Variants in SLC6A4 observed in about 807,000 individuals in gnomAD.
SLC6A4 encodes the protein sodium-dependent serotonin transporter.
SLC6A4 carries 22 observed loss-of-function variants against 73.4 expected under a neutral mutation model. The ratio of observed to expected loss-of-function variants is 0.30; its 90% CI spans 0.21 to 0.43. The LOEUF is 0.43. Among genes scored for constraint, SLC6A4 ranks in the 20% least tolerant of loss-of-function variants. The pLI is 1.00. For synonymous variants in SLC6A4, 270 were observed against 315.5 expected (o/e 0.86, Z 1.53); for missense variants, 593 against 808.5 (o/e 0.73, Z 3.23).
At position 30,218,156 on chromosome 17, in the gene SLC6A4, C is replaced by G; in HGVS notation, c.660G>C (p.Trp220Cys). Residue 220 changes from tryptophan (W) to cysteine (C), a missense_variant, in exon 5 of 15, where the codon TGG becomes TGC. By Grantham distance (215) the Trp-to-Cys change is radical (BLOSUM62 -2). Transcript: ENST00000650711. ...TNYFSEDNIT[W>C]TLHSTSPAEE... ...CAGCAGGGGACGTGGAATGGAGGGTCCAGGTGATGTTGTCCTCGGAGAAGT... is the reference window on the plus strand; with the variant it reads ...CAGCAGGGGACGTGGAATGGAGGGTGCAGGTGATGTTGTCCTCGGAGAAGT... 6.2e-7 allele frequency: 1 copy of G among 1,614,178 alleles called. No individual in the cohort carries two copies. Among genetic ancestry groups the G allele is most frequent in the South Asian group, 1.1e-5 (1 of 91,088 alleles).
intron 1 of SLC6A4, among the ~76,000 whole-genome samples, chr17:30,223,714 G>A (rs2020939): frequency 0.35 from 53,617 of 151,974 alleles, 11,837 homozygotes; most frequent in East Asian, 0.8. Flanking sequence ...GGGCTGTACC[G>A]CACTTGTTGG....
intron 8 of SLC6A4, 147 bp from the exon 9 acceptor site, chr17:30,213,014 G>A (rs759666514): frequency 3.0e-5 from 25 of 821,086 alleles, no homozygotes; most frequent in Non-Finnish European, 3.6e-5. Context: ...AGCCTGTCCC[G>A]GAGTCCCTTC....
chr17:30,212,088 T>G (rs1906404679), intron 9 of SLC6A4, among the ~76,000 whole-genome samples: 1 of 152,322 alleles, frequency 6.6e-6, no homozygotes, highest in East Asian at 1.9e-4. Context: ...TCTCCCTCTG[T>G]TGCTCTTTTC....
Position 30,194,976 on chromosome 17 carries a change from G to A in SLC6A4, c.*3480C>T, listed in dbSNP as rs1357873522. On this transcript the variant is annotated 3_prime_UTR_variant, in exon 15 of 15. Coordinates refer to ENST00000650711, the MANE Select transcript of SLC6A4 (RefSeq NM_001045.6). Reference sequence around the variant, plus strand: ...CTGGTGAAGAAAGTTTATTTTAGTAGCTTTAAAAAAATACTTGCATTGGTG... The same window carrying A: ...CTGGTGAAGAAAGTTTATTTTAGTAACTTTAAAAAAATACTTGCATTGGTG... 6.6e-6 allele frequency: 1 copy of A among 152,130 alleles called. No individual in the cohort carries two copies. The highest frequency in any genetic ancestry group is 2.4e-5 in the African/African-American group (1 of 41,414). The allele number at this position is 152,130 out of a possible 1,614,324, so 9.4% of individuals were successfully genotyped here. A position where few individuals can be genotyped will look rare whatever the true frequency, so the allele number is the denominator to read the frequency against.
chr17:30,213,493 G>A (rs968517099), intron 8 of SLC6A4, among the ~76,000 whole-genome samples: 7 of 151,794 alleles, frequency 4.6e-5, no homozygotes, highest in African/African-American at 1.7e-4. Flanking sequence ...AGTAGAGATG[G>A]GGTTTCCCCA....
chr17:30,215,306 G>A (rs1014597544), intron 8 of SLC6A4, among the ~76,000 whole-genome samples: 1 of 152,198 alleles, frequency 6.6e-6, no homozygotes. Context: ...GCCTCCCAAA[G>A]TGCTGGGATT....
chr17:30,216,483 A>G (rs1244884170), intron 6 of SLC6A4, among the ~76,000 whole-genome samples: 1 of 152,100 alleles, frequency 6.6e-6, no homozygotes, highest in Non-Finnish European at 1.5e-5. Flanking sequence ...TTGAGGGAGT[A>G]TCTAGCAGGA....
At chr17:30,234,622 A>G (rs527351302) in intron 1 of SLC6A4, among the ~76,000 whole-genome samples, 6 of 152,308 alleles carry the variant, frequency 3.9e-5, no homozygotes, top group Admixed American at 3.3e-4. Context: ...ACAAGTCCCA[A>G]TGTCACCTTC....
Position 30,218,355 on chromosome 17 carries a change from T to TGC in SLC6A4, c.479-19_479-18insGC, listed in dbSNP as rs752612534. The TGC allele has an allele frequency of 1.4e-3, 2,298 of 1,601,150 alleles. 2 individuals carry two copies. Among genetic ancestry groups the TGC allele is most frequent in the Non-Finnish European group, 1.8e-3 (2,090 of 1,169,324 alleles). ...ACCAATCCCTGGGCAGTGGGTGAGA[T>TGC]GGAGAGACAGAGGCCGAGTTTAAGG... is the stretch of plus-strand genomic sequence containing the variant. On this transcript the variant is annotated intron_variant, in intron 4 of 14. Coordinates refer to ENST00000650711, the MANE Select transcript of SLC6A4 (RefSeq NM_001045.6).
At chr17:30,227,902 G>A (rs1906977701) in intron 1 of SLC6A4, among the ~76,000 whole-genome samples, 1 of 152,170 alleles carries the variant, frequency 6.6e-6, no homozygotes, top group Non-Finnish European at 1.5e-5. Flanking sequence ...CCTGGGAGAG[G>A]ATAGCCCTGG....
chr17:30,230,096 GAGGAGGAA>G (rs1567824169), intron 1 of SLC6A4, among the ~76,000 whole-genome samples: 9 of 112,144 alleles, frequency 8.0e-5, no homozygotes, highest in South Asian at 2.7e-4. Flanking sequence ...AGAAGAAGAA[GAGGAGGAA>G]GAGGAAGAGG....
At chr17:30,234,298 G>C (rs2143016935) in intron 1 of SLC6A4, among the ~76,000 whole-genome samples, 1 of 152,186 alleles carries the variant, frequency 6.6e-6, no homozygotes, top group South Asian at 2.1e-4. Flanking sequence ...AGTGTTGAGG[G>C]GACTTTTGAT....
In SLC6A4 at chr17:30,198,599, T is replaced by C. The variant is rs1487108304; in HGVS notation, c.1819-69A>G. 5.8e-6 allele frequency: 5 copies of C among 855,320 alleles called. No individual in the cohort carries two copies. The Admixed American group carries it at 9.9e-5, about 17-fold the overall frequency. The allele number at this position is 855,320 out of a possible 1,614,324, so 53.0% of individuals were successfully genotyped here. ...TTAAAACTTGCAAAAATAGTCAACA[T>C]TAATATTAAAACAAAGCTTAAATAA... On this transcript the variant is annotated intron_variant, in intron 14 of 14. Transcript: ENST00000650711.
At chr17:30,226,835 T>C (rs1906939322) in intron 1 of SLC6A4, among the ~76,000 whole-genome samples, 1 of 141,106 alleles carries the variant, frequency 7.1e-6, no homozygotes, top group Non-Finnish European at 1.5e-5. Flanking sequence ...TCAGCCAAAC[T>C]GCGCTCCAGC....
At chr17:30,207,346 G>A (rs774694464) in intron 13 of SLC6A4, among the ~76,000 whole-genome samples, 6 of 152,102 alleles carry the variant, frequency 3.9e-5, no homozygotes, top group African/African-American at 1.2e-4. Context: ...GTACACTTAC[G>A]AGCTGTATAT....
At chr17:30,199,933 C>G (rs1022794247) in intron 14 of SLC6A4, among the ~76,000 whole-genome samples, 1 of 149,774 alleles carries the variant, frequency 6.7e-6, no homozygotes, top group Admixed American at 6.6e-5. Flanking sequence ...GGGTCTTGCT[C>G]TGTTGCCCAG....
Position 30,212,855 on chromosome 17 carries a change from C to A in SLC6A4, c.1089G>T (p.Val363=). 1 of 1,614,096 alleles carries A rather than the reference C, an allele frequency of 6.2e-7. No individual in the cohort carries two copies. The highest frequency in any genetic ancestry group is 1.1e-5 in the South Asian group (1 of 91,070). Residue 363 remains valine, a synonymous_variant, in exon 9 of 15, where the codon GTG becomes GTT. Coordinates refer to ENST00000650711, the MANE Select transcript of SLC6A4 (RefSeq NM_001045.6). ...FNNNCYQDAL[V]TSVVNCMTSF... ...TCGTCATGCAGTTCACCACGCTGGT[C>A]ACCAGGGCATCTCTGGAGGGGAAAA...
intron 1 of SLC6A4, among the ~76,000 whole-genome samples, chr17:30,225,476 T>C (rs1906898525): frequency 1.3e-5 from 2 of 152,236 alleles, no homozygotes; most frequent in Non-Finnish European, 2.9e-5. Context: ...TGTGAGTTGT[T>C]AAGAAGGTTG....
rs181130006 is a variant in SLC6A4 at position 30,198,015 on chromosome 17, A to G, written c.*441T>C. 4.6e-4 allele frequency: 75 copies of G among 163,238 alleles called. No homozygotes were observed. The highest frequency in any genetic ancestry group is 2.8e-3 in the Middle Eastern group (1 of 360). The allele number at this position is 163,238 out of a possible 1,614,324, so 10.1% of individuals were successfully genotyped here. ...ATTATATATGCTACTCAGAAAATAT[A>G]TGGCTAGCGAGATAGCATCCCTGTT... On this transcript the variant is annotated 3_prime_UTR_variant, in exon 15 of 15. Coordinates refer to ENST00000650711, the MANE Select transcript of SLC6A4 (RefSeq NM_001045.6).
Sources: gnomAD v4.1 joint callset for allele counts (sites outside exome capture counted in the v4.1 genomes callset) on GRCh38, gnomAD v4.1.1 for gene constraint, MANE v1.5 for transcripts, NCBI Gene and HGNC (gene_info 2026-07-23, HGNC 2026-07-21) for gene names.